DNAJC13: variants seen among roughly 807,000 people sequenced by gnomAD.
DNAJC13 encodes the protein dnaJ homolog subfamily C member 13.
Under a neutral mutation model 290.5 loss-of-function variants are expected in DNAJC13, and 75 were observed. That is an observed-to-expected ratio of 0.26 (90% confidence interval 0.21 to 0.31). DNAJC13 has a LOEUF of 0.31. Ranked by LOEUF, DNAJC13 falls within the 10% of genes least tolerant of loss-of-function variation. DNAJC13 has a pLI of 1.00. For synonymous variants in DNAJC13, 862 were observed against 892.0 expected, an observed-to-expected ratio of 0.97 and a Z score of 0.60; for missense variants, 2,260 against 2,674.5, an observed-to-expected ratio of 0.85 and a Z score of 3.42.
At chr3:132,458,874 C>T (rs1287550248) in intron 13 of DNAJC13, among the ~76,000 whole-genome samples, 3 of 152,134 alleles carry the variant, frequency 2.0e-5, no homozygotes, top group Non-Finnish European at 4.4e-5. Flanking sequence ...ACTTGTCTTT[C>T]TTAGCAATTT....
At chr3:132,445,978 A>G (rs904431095) in intron 2 of DNAJC13, among the ~76,000 whole-genome samples, 13 of 152,088 alleles carry the variant, frequency 8.5e-5, no homozygotes, top group African/African-American at 2.9e-4. Flanking sequence ...TAAAATTGCA[A>G]CACTGAGATG....
At chr3:132,429,242 C>A (rs1472773045) in intron 1 of DNAJC13, among the ~76,000 whole-genome samples, 2 of 151,742 alleles carry the variant, frequency 1.3e-5, no homozygotes, top group Admixed American at 6.6e-5. Flanking sequence ...GAAACTAGTT[C>A]TGAATTATTC....
intron 29 of DNAJC13, among the ~76,000 whole-genome samples, chr3:132,487,256 TTTTA>T (rs1433500278): frequency 6.0e-5 from 9 of 150,842 alleles, no homozygotes; most frequent in African/African-American, 1.5e-4. Context: ...AATTAATTAA[TTTTA>T]TTTATTTATT....
intron 2 of DNAJC13, 67 bp downstream of exon 2, chr3:132,434,685 A>G (rs1939334178): frequency 7.9e-7 from 1 of 1,263,824 alleles, no homozygotes; most frequent in Admixed American, 2.0e-5. Flanking sequence ...ACTGTGTTTC[A>G]TAATCTTGAA....
intron 1 of DNAJC13, among the ~76,000 whole-genome samples, chr3:132,423,437 G>C (rs1028546106): frequency 6.6e-6 from 1 of 152,136 alleles, no homozygotes; most frequent in South Asian, 2.1e-4. Flanking sequence ...CACTTTTATT[G>C]TATTCCTTAG....
intron 26 of DNAJC13, among the ~76,000 whole-genome samples, chr3:132,481,021 T>C (rs549968097): frequency 5.9e-5 from 9 of 152,358 alleles, no homozygotes; most frequent in Non-Finnish European, 1.2e-4. Context: ...CAACAGGTAC[T>C]GTTCTGGTAC....
chr3:132,434,985 TC>T (rs1559867497), intron 2 of DNAJC13, among the ~76,000 whole-genome samples: 3 of 152,228 alleles, frequency 2.0e-5, no homozygotes, highest in African/African-American at 4.8e-5. Flanking sequence ...CATTTTCATA[TC>T]CGTTTGACTG....
intron 22 of DNAJC13, among the ~76,000 whole-genome samples, chr3:132,477,104 T>C (rs752082470): frequency 1.3e-5 from 2 of 152,276 alleles, no homozygotes; most frequent in Non-Finnish European, 2.9e-5. Flanking sequence ...ATGAATTGAA[T>C]GCTTAGACTT....
intron 55 of DNAJC13, among the ~76,000 whole-genome samples, chr3:132,536,168 T>A (rs913702629): frequency 2.0e-5 from 3 of 152,188 alleles, no homozygotes; most frequent in African/African-American, 7.2e-5. Context: ...TTGAAAGTAG[T>A]TGTTTGTATG....
intron 6 of DNAJC13, among the ~76,000 whole-genome samples, chr3:132,452,326 G>A (rs531149545): frequency 6.6e-6 from 1 of 152,238 alleles, no homozygotes; most frequent in Non-Finnish European, 1.5e-5. Context: ...CTATAAATAT[G>A]GTACTATACC....
At chr3:132,498,469 A>G (rs569172080) in intron 36 of DNAJC13, among the ~76,000 whole-genome samples, 1 of 152,180 alleles carries the variant, frequency 6.6e-6, no homozygotes, top group Non-Finnish European at 1.5e-5. Context: ...GTGAAAAGTT[A>G]CAAAGATCAG....
At chr3:132,421,458 G>A (rs1028829400) in intron 1 of DNAJC13, among the ~76,000 whole-genome samples, 4 of 152,110 alleles carry the variant, frequency 2.6e-5, no homozygotes, top group African/African-American at 4.8e-5. Context: ...ATCATTTTGA[G>A]ATTTTTTTTG....
At chr3:132,482,736 A>G (rs914557491) in intron 27 of DNAJC13, among the ~76,000 whole-genome samples, 2 of 151,898 alleles carry the variant, frequency 1.3e-5, no homozygotes, top group African/African-American at 4.8e-5. Flanking sequence ...GTGCATGCCT[A>G]TAGTGTCAGC....
At chr3:132,521,111 C>T (rs903521734) in intron 48 of DNAJC13, among the ~76,000 whole-genome samples, 1 of 152,026 alleles carries the variant, frequency 6.6e-6, no homozygotes, top group Non-Finnish European at 1.5e-5. Context: ...AAACCTTAAA[C>T]ACAACAGTCA....
intron 55 of DNAJC13, among the ~76,000 whole-genome samples, chr3:132,534,906 G>T (rs1576529227): frequency 2.0e-5 from 3 of 152,266 alleles, no homozygotes; most frequent in Middle Eastern, 3.4e-3. Context: ...TGATAAAAGG[G>T]GCATGTAGTT....
intron 43 of DNAJC13, among the ~76,000 whole-genome samples, 196 bp downstream of exon 43, chr3:132,507,549 G>A (rs1350446087): frequency 1.3e-5 from 2 of 151,614 alleles, no homozygotes; most frequent in Admixed American, 6.6e-5. Flanking sequence ...TTTTCCAATA[G>A]CATGTGTTCA....
chr3:132,473,685 C>T (rs1421607709), intron 21 of DNAJC13, among the ~76,000 whole-genome samples: 1 of 152,048 alleles, frequency 6.6e-6, no homozygotes, highest in Non-Finnish European at 1.5e-5. Context: ...CCTTCCTGGA[C>T]ACACACATAC....
intron 27 of DNAJC13, 81 bp from the exon 28 acceptor site, chr3:132,483,294 G>A (rs1418203494): frequency 8.5e-7 from 1 of 1,182,826 alleles, no homozygotes; most frequent in Non-Finnish European, 1.2e-6. Flanking sequence ...AATTTAGTAT[G>A]TATTTACTAT....
intron 55 of DNAJC13, among the ~76,000 whole-genome samples, chr3:132,537,578 G>A (rs1474803881): frequency 1.3e-5 from 2 of 152,176 alleles, no homozygotes; most frequent in Admixed American, 1.3e-4. Flanking sequence ...TAGAATCAAG[G>A]GAGAAATATA....
Sources: allele counts gnomAD v4.1 joint callset (sites outside exome capture counted in the v4.1 genomes callset), GRCh38; gene constraint gnomAD v4.1.1; transcripts MANE v1.5; gene names NCBI Gene and HGNC (gene_info 2026-07-23, HGNC 2026-07-21).